The following PRLR variants were observed in gnomAD, a reference collection of about 807,000 sequenced individuals.
PRLR encodes prolactin receptor, also known as hPRL receptor.
A neutral mutation model predicts 40.2 loss-of-function variants in PRLR; 13 were observed. The ratio of observed to expected loss-of-function variants is 0.32; its 90% confidence interval spans 0.21 to 0.51. The LOEUF is 0.51. PRLR is among the 20% of genes least tolerant of loss of function. PRLR has a pLI of 0.97. For synonymous variants in PRLR, 269 were observed against 278.7 expected, an observed-to-expected ratio of 0.97 and a Z score of 0.35; for missense variants, 656 against 747.3, an observed-to-expected ratio of 0.88 and a Z score of 1.42.
intron 9 of PRLR, 79 bp downstream of exon 9, chr5:35,068,137 G>A (rs1005792636): frequency 9.1e-6 from 12 of 1,311,740 alleles, no homozygotes; most frequent in South Asian, 3.6e-5. Flanking sequence ...CTGAACTGAC[G>A]GGGACTGTGT....
chr5:35,116,269 T>C (rs1773018217), intron 2 of PRLR, among the ~76,000 whole-genome samples: 1 of 152,190 alleles, frequency 6.6e-6, no homozygotes, highest in Non-Finnish European at 1.5e-5. Flanking sequence ...GTACCACAGA[T>C]AAATCTGCTA....
chr5:35,145,173 CT>C (rs1774146694), intron 1 of PRLR, among the ~76,000 whole-genome samples: 1 of 152,136 alleles, frequency 6.6e-6, no homozygotes, highest in African/African-American at 2.4e-5. Context: ...ACGTTTTATG[CT>C]GGAAAAGGGC....
chr5:35,075,531 G>A (rs144575761), intron 5 of PRLR, among the ~76,000 whole-genome samples: 405 of 152,336 alleles, frequency 2.7e-3, no homozygotes, highest in Non-Finnish European at 4.5e-3. Context: ...TGTAAACAAA[G>A]TGGCCAGGAA....
intron 1 of PRLR, among the ~76,000 whole-genome samples, chr5:35,227,489 T>G (rs1776581902): frequency 6.6e-6 from 1 of 152,226 alleles, no homozygotes; most frequent in South Asian, 2.1e-4. Flanking sequence ...GCAATCTTGC[T>G]ATGAGAATTA....
Position 35,064,913 on chromosome 5 carries a change from T to C in PRLR, c.*176A>G, listed in dbSNP as rs535849261. On this transcript the variant is annotated 3_prime_UTR_variant, in exon 10 of 10. Coordinates refer to ENST00000618457, the MANE Select transcript of PRLR (RefSeq NM_000949.7). Reference sequence around the variant, plus strand: ...TACAAATCACAGTTAGGAAACATAATGATTTGTTCTGGAATCAGCTGCTGG... The same window carrying C: ...TACAAATCACAGTTAGGAAACATAACGATTTGTTCTGGAATCAGCTGCTGG... 30 of 664,750 alleles carry C rather than the reference T, an allele frequency of 4.5e-5. No individual in the cohort carries two copies. The African/African-American group carries it at 4.5e-4, about 10-fold the overall frequency. The allele number at this position is 664,750 out of a possible 1,614,324, so 41.2% of individuals were successfully genotyped here.
chr5:35,147,709 G>A (rs1342863951), intron 1 of PRLR, among the ~76,000 whole-genome samples: 3 of 152,104 alleles, frequency 2.0e-5, no homozygotes, highest in Admixed American at 2.0e-4. Flanking sequence ...GAGATTCAAA[G>A]TACTATTAAT....
intron 3 of PRLR, 93 bp from the exon 4 acceptor site, chr5:35,086,433 G>C: frequency 1.3e-6 from 2 of 1,494,630 alleles, no homozygotes; most frequent in Middle Eastern, 2.5e-4. Flanking sequence ...ATGGACCAAA[G>C]CCAGCGATGA....
At chr5:35,206,361 A>G (rs1046038617) in intron 1 of PRLR, among the ~76,000 whole-genome samples, 6 of 152,144 alleles carry the variant, frequency 3.9e-5, no homozygotes, top group African/African-American at 1.4e-4. Context: ...TTATGGTATA[A>G]AAAGACAATA....
intron 1 of PRLR, among the ~76,000 whole-genome samples, chr5:35,216,666 T>C (rs1379485187): frequency 6.6e-6 from 1 of 152,200 alleles, no homozygotes; most frequent in South Asian, 2.1e-4. Flanking sequence ...TCCAGACCTA[T>C]ATAGGTAATT....
At position 35,080,222 on chromosome 5, in the gene PRLR, T is replaced by C. The variant is rs539749447; in HGVS notation, c.373+4248A>G. Among the ~76,000 whole-genome samples, 9 of 152,196 alleles carry C rather than the reference T, an allele frequency of 5.9e-5. No homozygotes were observed. In the South Asian group the frequency reaches 1.7e-3, roughly 28 times the overall value. On this transcript the variant is annotated intron_variant, in intron 5 of 9. Coordinates refer to ENST00000618457, the MANE Select transcript of PRLR (RefSeq NM_000949.7). ...ATTAAACTAAAGAGCTTCTGCACAG[T>C]AAAATAAACTACCATCAGAGTGAAC... is the stretch of plus-strand genomic sequence containing the variant.
chr5:35,074,161 G>T (rs567792209), intron 5 of PRLR, among the ~76,000 whole-genome samples: 1 of 152,234 alleles, frequency 6.6e-6, no homozygotes, highest in Admixed American at 6.5e-5. Context: ...TTGATGAATG[G>T]ATAAAAAATG....
intron 2 of PRLR, among the ~76,000 whole-genome samples, chr5:35,116,255 A>C (rs1247960957): frequency 2.0e-5 from 3 of 152,130 alleles, no homozygotes; most frequent in Non-Finnish European, 1.5e-5. Flanking sequence ...TGGTTTGCCA[A>C]TTGGTACCAC....
At chr5:35,175,927 A>G (rs1775135251) in intron 1 of PRLR, among the ~76,000 whole-genome samples, 1 of 152,172 alleles carries the variant, frequency 6.6e-6, no homozygotes, top group African/African-American at 2.4e-5. Flanking sequence ...ATCCCACTAA[A>G]CAGGGACAGC....
At chr5:35,101,785 C>T (rs1048672716) in intron 2 of PRLR, among the ~76,000 whole-genome samples, 5 of 147,526 alleles carry the variant, frequency 3.4e-5, no homozygotes, top group African/African-American at 1.2e-4. Flanking sequence ...CCTTATAAAA[C>T]ATATATATAA....
At chr5:35,103,691 C>G (rs555904150) in intron 2 of PRLR, among the ~76,000 whole-genome samples, 51 of 152,236 alleles carry the variant, frequency 3.4e-4, no homozygotes, top group Non-Finnish European at 6.8e-4. Context: ...TAGAAAACAT[C>G]CTATTGTCAC....
At chr5:35,192,394 C>T (rs1181835919) in intron 1 of PRLR, among the ~76,000 whole-genome samples, 1 of 152,188 alleles carries the variant, frequency 6.6e-6, no homozygotes, top group Non-Finnish European at 1.5e-5. Flanking sequence ...TCTCTAAGGA[C>T]TCCAGCATAT....
rs975859872 is a variant in PRLR, at chr5:35,056,087, C to T, written c.*9002G>A. ...TCTTAAGAAAATATTTTATCACATT[C>T]GTAAAAGTATCTGTGCTTCAAGTCA... is the stretch of plus-strand genomic sequence containing the variant. On this transcript the variant is annotated 3_prime_UTR_variant, in exon 10 of 10. Coordinates refer to ENST00000618457, the MANE Select transcript of PRLR (RefSeq NM_000949.7). 3.9e-5 allele frequency: 6 copies of T among 152,176 alleles called. No individual in the cohort carries two copies. Among genetic ancestry groups the T allele is most frequent in the Admixed American group, 3.9e-4 (6 of 15,270 alleles). The allele number at this position is 152,176 out of a possible 1,614,324, so 9.4% of individuals were successfully genotyped here.
In PRLR at chr5:35,066,105, A is replaced by G. The variant is rs761242958; in HGVS notation, c.856-3T>C. The G allele has an allele frequency of 5.0e-6, 8 of 1,611,236 alleles. No individual in the cohort carries two copies. The highest frequency in any genetic ancestry group is 6.8e-6 in the Non-Finnish European group (8 of 1,178,378). ...AGTAGTTCTTCAGACTTGCCCTTCT[A>G]TTAAAACACAGACACAAGAAGAGAT... On this transcript the variant is annotated splice_polypyrimidine_tract_variant and splice_region_variant and intron_variant, in intron 9 of 9. Coordinates refer to ENST00000618457, the MANE Select transcript of PRLR (RefSeq NM_000949.7).
chr5:35,149,243 A>T (rs558954023), intron 1 of PRLR, among the ~76,000 whole-genome samples: 1 of 152,172 alleles, frequency 6.6e-6, no homozygotes, highest in Non-Finnish European at 1.5e-5. Context: ...TAAAGTTATC[A>T]GAATGTCTAT....
Sources: gnomAD v4.1 joint callset for allele counts (sites outside exome capture counted in the v4.1 genomes callset) on GRCh38, gnomAD v4.1.1 for gene constraint, MANE v1.5 for transcripts, NCBI Gene and HGNC (gene_info 2026-07-23, HGNC 2026-07-21) for gene names.